The following WIPF1 variants were observed in gnomAD, a reference collection of about 807,000 sequenced individuals.
WIPF1 encodes WAS/WASL-interacting protein family member 1.
Under a neutral mutation model 35.4 loss-of-function variants are expected in WIPF1, and 13 were observed. That is an observed-to-expected ratio of 0.37 (90% CI 0.24 to 0.58). The LOEUF (loss-of-function observed/expected upper bound fraction) is 0.58, where lower values mean the gene tolerates loss of function less well. Ranked by LOEUF, WIPF1 falls within the 20% of genes least tolerant of loss-of-function variation. The pLI is 0.74. For missense variants in WIPF1, 591 were observed against 667.0 expected, an observed-to-expected ratio of 0.89 and a Z score of 1.25; for synonymous variants, 267 against 266.3, an observed-to-expected ratio of 1.00 and a Z score of -0.02.
chr2:174,579,319 A>C lies in WIPF1; in HGVS notation c.181+1991T>G, dbSNP rs112351645. ...CTGTGCCTGGCCCATTAGTGTTCTT[A>C]ACCTGCAACATCTGTCCATCTTTCA... On this transcript the variant is annotated intron_variant, in intron 3 of 7. Transcript: ENST00000679041. Among the ~76,000 whole-genome samples, 954 of 152,280 alleles carry C rather than the reference A, an allele frequency of 6.3e-3. 13 individuals carry two copies. Among genetic ancestry groups the C allele is most frequent in the African/African-American group, 0.022 (920 of 41,550 alleles).
chr2:174,656,425 C>T (rs186525597), intron 1 of WIPF1: 3 of 152,318 alleles, frequency 2.0e-5, no homozygotes, highest in Admixed American at 6.5e-5. Context: ...CTAAGAAACA[C>T]TTCTAAGGAA....
intron 1 of WIPF1, among the ~76,000 whole-genome samples, chr2:174,646,307 A>G (rs1281346877): frequency 6.6e-6 from 1 of 152,216 alleles, no homozygotes; most frequent in South Asian, 2.1e-4. Flanking sequence ...CAAACGGGGC[A>G]AAATTGGTAA....
chr2:174,575,203 C>A lies in WIPF1; in HGVS notation c.358+1G>T. The A allele has an allele frequency of 1.2e-6, 2 of 1,607,856 alleles. No individual in the cohort carries two copies. The highest frequency in any genetic ancestry group is 1.7e-6 in the Non-Finnish European group (2 of 1,176,260). On this transcript the variant is annotated splice_donor_variant, in intron 4 of 7. Coordinates refer to ENST00000679041, the MANE Select transcript of WIPF1 (RefSeq NM_001375834.1). LOFTEE classifies it high-confidence loss of function. Reference sequence around the variant, plus strand: ...CTCAGAGACAGGGAAACTCTCCTTACCATTATCCCTGTTGGCCGTGGATCT... The same window carrying A: ...CTCAGAGACAGGGAAACTCTCCTTAACATTATCCCTGTTGGCCGTGGATCT...
At chr2:174,575,501 T>G (rs1187528527) in intron 3 of WIPF1, 121 bp from the exon 4 acceptor site, 1 of 1,437,246 alleles carries the variant, frequency 7.0e-7, no homozygotes, top group Non-Finnish European at 9.1e-7. Context: ...TGGGATTTCT[T>G]CATTAAAATG....
intron 2 of WIPF1, among the ~76,000 whole-genome samples, 167 bp downstream of exon 2, chr2:174,585,356 G>A (rs1221423855): frequency 6.6e-6 from 1 of 152,198 alleles, no homozygotes; most frequent in Non-Finnish European, 1.5e-5. Context: ...CGTGTTGTTT[G>A]TATTTGCTGG....
intron 7 of WIPF1, among the ~76,000 whole-genome samples, chr2:174,564,972 C>T (rs758882757): frequency 1.1e-4 from 16 of 151,846 alleles, no homozygotes; most frequent in East Asian, 3.9e-4. Flanking sequence ...TTCTGCTCAC[C>T]GCAACCTCCA....
chr2:174,581,899 A>C (rs1685254490), intron 2 of WIPF1, among the ~76,000 whole-genome samples: 1 of 152,216 alleles, frequency 6.6e-6, no homozygotes, highest in Non-Finnish European at 1.5e-5. Context: ...AGTCAGCTGT[A>C]TGTTTTTTAA....
At position 174,669,434 on chromosome 2, in the gene WIPF1, CAT is replaced by C. The variant is rs1189155000; in HGVS notation, c.-39+13338_-39+13339del. ...CTGAGATAACTGCACTAGAAGGACA[CAT>C]GATTTCATTCAGCTGGTATTTATTA... is the stretch of plus-strand genomic sequence containing the variant. On this transcript the variant is annotated intron_variant, in intron 1 of 8. Coordinates refer to the WIPF1 transcript ENST00000272746. 3.3e-5 allele frequency among the ~76,000 whole-genome samples: 5 copies of C among 152,308 alleles called. No individual in the cohort carries two copies. In the South Asian group the frequency reaches 1.0e-3, roughly 32 times the overall value.
upstream of WIPF1, among the ~76,000 whole-genome samples, chr2:174,600,423 C>T (rs1007076196): frequency 6.6e-6 from 1 of 152,174 alleles, no homozygotes; most frequent in African/African-American, 2.4e-5. Flanking sequence ...CCACAGGGAC[C>T]CACGAGATCT....
Position 174,567,898 on chromosome 2 carries a change from T to G in WIPF1, c.1305A>C (p.Thr435=), listed in dbSNP as rs1451972568. Residue 435 remains threonine (T), a synonymous_variant, in exon 6 of 8, where the codon ACA becomes ACC. Transcript: ENST00000679041. The stretch of plus-strand genomic sequence containing the variant: ...AGTCTTGGAAGCCATTTCTAATAGA[T>G]GTTGATGGTGGAGGTGGGGGAGGTG... The part of the protein sequence containing the change: ...AGAPPPPPPS[T]SIRNGFQDSP... 1.2e-6 allele frequency: 2 copies of G among 1,610,154 alleles called. No individual in the cohort carries two copies. Among genetic ancestry groups the G allele is most frequent in the African/African-American group, 1.3e-5 (1 of 74,858 alleles).
In WIPF1 at chr2:174,571,462, T is replaced by A; in HGVS notation, c.1129+214A>T. ...ATTTAACTTTATTAGCTACTCAGTG[T>A]CCTCATCTCTAAAACACCAACAGAA... On this transcript the variant is annotated intron_variant, in intron 5 of 7. Coordinates refer to ENST00000679041, the MANE Select transcript of WIPF1 (RefSeq NM_001375834.1). This position sits in a 1 kb window ranked among gnomAD's most constrained non-coding sequence, Gnocchi z 4.6. 1 of 668,816 alleles carries A rather than the reference T, an allele frequency of 1.5e-6. No individual in the cohort carries two copies. The highest frequency in any genetic ancestry group is 2.7e-6 in the Non-Finnish European group (1 of 373,794). The allele number at this position is 668,816 out of a possible 1,614,324, so 41.4% of individuals were successfully genotyped here.
intron 1 of WIPF1, among the ~76,000 whole-genome samples, chr2:174,604,551 T>C (rs554340748): frequency 4.0e-5 from 6 of 151,874 alleles, no homozygotes; most frequent in African/African-American, 1.5e-4. Context: ...TAGTGAATTA[T>C]AAAAAATCAT....
chr2:174,587,945 TG>T lies in WIPF1; in HGVS notation c.-38-2335del, dbSNP rs1559153062. On this transcript the variant is annotated intron_variant, in intron 1 of 7. Coordinates refer to ENST00000679041, the MANE Select transcript of WIPF1 (RefSeq NM_001375834.1). ...CTCAGGCAAGGATTCTTTTAAAGTC[TG>T]TTTCTTAAATTGCTCTTTCTGGCAT... Among the ~76,000 whole-genome samples, 505 of 152,320 alleles carry T rather than the reference TG, an allele frequency of 3.3e-3. 3 individuals are homozygous for T. The highest frequency in any genetic ancestry group is 0.012 in the African/African-American group (493 of 41,578).
At chr2:174,658,484 G>T (rs2105971273) in intron 1 of WIPF1, among the ~76,000 whole-genome samples, 1 of 152,294 alleles carries the variant, frequency 6.6e-6, no homozygotes, top group South Asian at 2.1e-4. Flanking sequence ...ACAGGATGGA[G>T]AGGGTCATGG....
At chr2:174,656,974 T>A (rs1180109672) in intron 1 of WIPF1, among the ~76,000 whole-genome samples, 3 of 152,226 alleles carry the variant, frequency 2.0e-5, no homozygotes, top group Non-Finnish European at 2.9e-5. Context: ...TATACACATA[T>A]GCACATACAC....
At chr2:174,600,189 T>C (rs1322426293), upstream of WIPF1, among the ~76,000 whole-genome samples, 2 of 152,210 alleles carry the variant, frequency 1.3e-5, no homozygotes, top group African/African-American at 4.8e-5. Context: ...ACCCCTACCT[T>C]AGGAAAAGCT....
chr2:174,571,313 A>T lies in WIPF1; in HGVS notation c.1129+363T>A. 1 of 469,808 alleles carries T rather than the reference A, an allele frequency of 2.1e-6. No individual in the cohort carries two copies. Among genetic ancestry groups the T allele is most frequent in the Non-Finnish European group, 3.8e-6 (1 of 265,702 alleles). 29.1% of individuals were successfully genotyped at this position (469,808 alleles called of 1,614,324 possible). On this transcript the variant is annotated intron_variant, in intron 5 of 7. Transcript: ENST00000679041. The surrounding 1 kb of genome is among the most constrained non-coding windows in gnomAD (Gnocchi z 4.6). ...CAGAGCCCTCCTGCGGGAGGTGGGG[A>T]CTTATTTTCCCAATTAAGACCGCCG...
intron 1 of WIPF1, among the ~76,000 whole-genome samples, chr2:174,681,602 C>T (rs1471457727): frequency 6.6e-6 from 1 of 152,098 alleles, no homozygotes; most frequent in Non-Finnish European, 1.5e-5. Flanking sequence ...AAAAGAAAAC[C>T]CACCCAGCGT....
chr2:174,584,387 G>A (rs1304255491), intron 2 of WIPF1, among the ~76,000 whole-genome samples: 1 of 152,130 alleles, frequency 6.6e-6, no homozygotes, highest in Admixed American at 6.5e-5. Flanking sequence ...TTATATAAAT[G>A]TGTCTCATGG....
Sources: allele counts gnomAD v4.1 joint callset (sites outside exome capture counted in the v4.1 genomes callset), GRCh38; gene constraint gnomAD v4.1.1; non-coding constraint Gnocchi (gnomAD v3.1); transcripts MANE v1.5; gene names NCBI Gene and HGNC (gene_info 2026-07-23, HGNC 2026-07-21).